DHX9: variants seen among roughly 807,000 people sequenced by gnomAD.
The protein encoded by DHX9 is ATP-dependent RNA helicase A.
A neutral mutation model predicts 148.7 loss-of-function variants in DHX9; 27 were observed. The ratio of observed to expected loss-of-function variants is 0.18; its 90% CI spans 0.13 to 0.25. The LOEUF (loss-of-function observed/expected upper bound fraction) is 0.25. Ranked by LOEUF, DHX9 falls within the 10% of genes least tolerant of loss-of-function variation. DHX9 has a pLI of 1.00. For missense variants in DHX9, 796 were observed against 1,559.6 expected (o/e 0.51, Z 8.25); for synonymous variants, 529 against 516.6 (o/e 1.02, Z -0.33).
intron 24 of DHX9, 131 bp downstream of exon 24, chr1:182,881,778 G>A: frequency 1.1e-5 from 11 of 970,230 alleles, no homozygotes; most frequent in Non-Finnish European, 1.6e-5. Context: ...CTATTTCTTA[G>A]TTCTCGTGAA....
At chr1:182,869,530 TCCAGTCTTGC>T (rs1410917079) in intron 14 of DHX9, among the ~76,000 whole-genome samples, 11 of 152,304 alleles carry the variant, frequency 7.2e-5, no homozygotes, top group South Asian at 2.1e-4. Context: ...TCTGGTTTGG[TCCAGTCTTGC>T]CCAGTCCTGA....
At chr1:182,839,549 C>T (rs1452405362) in intron 1 of DHX9, 93 bp downstream of exon 1, 1 of 152,812 alleles carries the variant, frequency 6.5e-6, no homozygotes, top group Non-Finnish European at 1.5e-5. Context: ...TGTTGCGAAG[C>T]GCGGGCGGCG....
rs985267690 is a variant in DHX9, at chr1:182,864,850, G to A, written c.1333-1594G>A. 9.9e-5 allele frequency among the ~76,000 whole-genome samples: 15 copies of A among 152,248 alleles called. 1 individual carries two copies. The Middle Eastern group carries it at 0.02, about 207-fold the overall frequency. On this transcript the variant is annotated intron_variant, in intron 12 of 27. Transcript: ENST00000367549. The stretch of plus-strand genomic sequence containing the variant: ...GGGATTTAAGACGTTTGTGTTTTAT[G>A]GGTAGTTAAGAACTAAAATAGATAA...
At chr1:182,866,922 G>A in intron 13 of DHX9, 39 bp from the exon 14 acceptor site, 1 of 1,512,776 alleles carries the variant, frequency 6.6e-7, no homozygotes, top group Non-Finnish European at 9.0e-7. Flanking sequence ...TTACTACTTT[G>A]AACTTTTCTA....
At chr1:182,879,224 G>A in intron 20 of DHX9, 26 bp from the exon 21 acceptor site, 1 of 1,442,880 alleles carries the variant, frequency 6.9e-7, no homozygotes, top group African/African-American at 1.4e-5. Flanking sequence ...AAGGAGGATG[G>A]TTATTTTATG....
intron 14 of DHX9, 86 bp from the exon 15 acceptor site, chr1:182,872,251 G>T: frequency 9.1e-7 from 1 of 1,100,974 alleles, no homozygotes; most frequent in South Asian, 1.6e-5. Context: ...TTTAATTGAT[G>T]TCTTATGGCT....
rs1571320459 is a variant in DHX9 at position 182,879,237 on chromosome 1, T to G, written c.2352-13T>G. On this transcript the variant is annotated splice_polypyrimidine_tract_variant and intron_variant, in intron 20 of 27. Coordinates refer to ENST00000367549, the MANE Select transcript of DHX9 (RefSeq NM_001357.5). ...ACAAGGAGGATGGTTATTTTATGCT[T>G]ATTTTCTCTTAGACTTGAAACCCAC... 4.8e-6 allele frequency: 7 copies of G among 1,444,476 alleles called. No homozygotes were observed. The highest frequency in any genetic ancestry group is 1.4e-5 in the African/African-American group (1 of 71,360). 89.5% of individuals were successfully genotyped at this position (1,444,476 alleles called of 1,614,324 possible). A position where few individuals can be genotyped will look rare whatever the true frequency, so the allele number is the denominator to read the frequency against.
chr1:182,857,347 GA>G (rs1668272112), intron 7 of DHX9, among the ~76,000 whole-genome samples: 1 of 152,176 alleles, frequency 6.6e-6, no homozygotes, highest in African/African-American at 2.4e-5. Context: ...TACAGGAGGA[GA>G]GGAAACTTTC....
intron 5 of DHX9, 122 bp downstream of exon 5, chr1:182,853,540 A>C: frequency 3.0e-6 from 2 of 665,868 alleles, no homozygotes; most frequent in Middle Eastern, 5.0e-4. Context: ...AGGTTATTTG[A>C]GACTACTTAT....
chr1:182,853,732 T>C (rs1455012683), intron 5 of DHX9, among the ~76,000 whole-genome samples: 2 of 152,154 alleles, frequency 1.3e-5, no homozygotes, highest in South Asian at 4.1e-4. Context: ...AAAAAGTCTT[T>C]AGTATAGCTT....
intron 27 of DHX9, among the ~76,000 whole-genome samples, chr1:182,886,517 A>G (rs1392077689): frequency 6.6e-6 from 1 of 152,142 alleles, no homozygotes; most frequent in Admixed American, 6.5e-5. Flanking sequence ...TTTCTGACTT[A>G]GCTGCTGAAT....
intron 11 of DHX9, 102 bp downstream of exon 11, chr1:182,859,219 C>T: frequency 9.9e-7 from 1 of 1,006,338 alleles, no homozygotes. Flanking sequence ...TTAAGGAGGG[C>T]ATATCAAAAG....
At chr1:182,853,222 G>T in intron 4 of DHX9, 84 bp from the exon 5 acceptor site, 1 of 974,420 alleles carries the variant, frequency 1.0e-6, no homozygotes, top group Non-Finnish European at 1.6e-6. Context: ...TCCATGCCCG[G>T]CCATAAATTA....
chr1:182,856,757 C>T (rs1207488515), intron 7 of DHX9, among the ~76,000 whole-genome samples, 179 bp downstream of exon 7: 1 of 152,196 alleles, frequency 6.6e-6, no homozygotes, highest in Non-Finnish European at 1.5e-5. Flanking sequence ...CAAAGTCTCC[C>T]AGTTTGCATG....
chr1:182,856,727 G>A, intron 7 of DHX9, 149 bp downstream of exon 7: 1 of 606,946 alleles, frequency 1.6e-6, no homozygotes, highest in South Asian at 2.7e-5. Context: ...TAGAATATTA[G>A]TAATTATATA....
intron 11 of DHX9, 103 bp downstream of exon 11, chr1:182,859,220 A>G (rs1165601037): frequency 6.5e-6 from 6 of 929,728 alleles, no homozygotes; most frequent in East Asian, 2.5e-5. Flanking sequence ...TAAGGAGGGC[A>G]TATCAAAAGA....
chr1:182,861,511 T>G lies in DHX9; in HGVS notation c.1332+1327T>G, dbSNP rs556499799. Among the ~76,000 whole-genome samples the G allele has an allele frequency of 8.9e-4, 136 of 152,308 alleles. 2 individuals carry two copies. Among genetic ancestry groups the G allele is most frequent in the Middle Eastern group, 3.4e-3 (1 of 294 alleles). On this transcript the variant is annotated intron_variant, in intron 12 of 27. Transcript: ENST00000367549. The stretch of plus-strand genomic sequence containing the variant: ...CTTGAGCTCAGCTCTGCTCTGCTCT[T>G]CTCTTCCCTTCCTCTCCCTTCTACC...
chr1:182,851,798 TC>T (rs1668155516), intron 3 of DHX9, among the ~76,000 whole-genome samples: 1 of 152,198 alleles, frequency 6.6e-6, no homozygotes, highest in African/African-American at 2.4e-5. Context: ...TCCGTGATCA[TC>T]TTAATAAAGG....
chr1:182,856,529 C>T lies in DHX9; in HGVS notation c.627-3C>T. On this transcript the variant is annotated splice_region_variant and splice_polypyrimidine_tract_variant and intron_variant, in intron 6 of 27. Transcript: ENST00000367549. ...CTAACCTTGCTTGTATATGTTGTTA[C>T]AGGAGCTTTATTGCAGAAATGACCA... 2 of 1,613,554 alleles carry T rather than the reference C, an allele frequency of 1.2e-6. No homozygotes were observed. The highest frequency in any genetic ancestry group is 1.7e-6 in the Non-Finnish European group (2 of 1,179,684).
Sources: gnomAD v4.1 joint callset for allele counts (sites outside exome capture counted in the v4.1 genomes callset) on GRCh38, gnomAD v4.1.1 for gene constraint, MANE v1.5 for transcripts, NCBI Gene and HGNC (gene_info 2026-07-23, HGNC 2026-07-21) for gene names.